SPIDR: variants seen among roughly 807,000 people sequenced by gnomAD.
SPIDR encodes scaffold protein involved in DNA repair, also known as DNA repair-scaffolding protein.
SPIDR carries 93 observed loss-of-function variants against 104.6 expected under a neutral mutation model. The ratio of observed to expected loss-of-function variants is 0.89; its 90% CI spans 0.75 to 1.06. The LOEUF is 1.06. SPIDR is among the 50% of genes least tolerant of loss of function. The pLI is 0.00. For missense variants in SPIDR, 1,154 were observed against 1,111.2 expected, an observed-to-expected ratio of 1.04 and a Z score of -0.55; for synonymous variants, 431 against 416.9, an observed-to-expected ratio of 1.03 and a Z score of -0.41.
intron 8 of SPIDR, among the ~76,000 whole-genome samples, chr8:47,539,785 A>G (rs1056604395): frequency 8.0e-5 from 12 of 150,392 alleles, no homozygotes; most frequent in African/African-American, 2.9e-4. Context: ...GGATGCTATC[A>G]GGTGTTGGTT....
At chr8:47,309,177 A>G (rs2043667940) in intron 5 of SPIDR, among the ~76,000 whole-genome samples, 1 of 152,222 alleles carries the variant, frequency 6.6e-6, no homozygotes, top group South Asian at 2.1e-4. Context: ...GATAAAATTT[A>G]GTGCTTGTAA....
At chr8:47,274,397 A>G (rs1394786680) in intron 1 of SPIDR, among the ~76,000 whole-genome samples, 1 of 152,256 alleles carries the variant, frequency 6.6e-6, no homozygotes, top group East Asian at 1.9e-4. Flanking sequence ...ATTACTAGTC[A>G]GATAAGATGT....
intron 5 of SPIDR, among the ~76,000 whole-genome samples, chr8:47,347,773 CT>C (rs1405250507): frequency 6.6e-6 from 1 of 151,894 alleles, no homozygotes; most frequent in South Asian, 2.1e-4. Context: ...GCAACCCCTG[CT>C]TTTTTTTGTT....
At chr8:47,415,150 G>A (rs1301265909) in intron 7 of SPIDR, among the ~76,000 whole-genome samples, 6 of 152,016 alleles carry the variant, frequency 3.9e-5, no homozygotes, top group African/African-American at 9.7e-5. Flanking sequence ...TGATCCTCCC[G>A]CCTCGGCCTC....
chr8:47,418,200 A>C (rs1384964249), intron 7 of SPIDR, among the ~76,000 whole-genome samples: 1 of 152,224 alleles, frequency 6.6e-6, no homozygotes, highest in East Asian at 1.9e-4. Context: ...CTGAATCCAT[A>C]AATTACCTTG....
chr8:47,508,717 C>A (rs1367720964), intron 8 of SPIDR, among the ~76,000 whole-genome samples: 1 of 135,940 alleles, frequency 7.4e-6, no homozygotes, highest in Non-Finnish European at 1.6e-5. Context: ...AACCCAGGTT[C>A]TGGCAGGTAA....
At chr8:47,630,850 A>G (rs1249581831) in intron 10 of SPIDR, among the ~76,000 whole-genome samples, 1 of 152,238 alleles carries the variant, frequency 6.6e-6, no homozygotes, top group African/African-American at 2.4e-5. Context: ...CACATGGGAT[A>G]TAGACCACAT....
chr8:47,532,338 G>A (rs888124313), intron 8 of SPIDR, among the ~76,000 whole-genome samples: 2 of 151,940 alleles, frequency 1.3e-5, no homozygotes, highest in Non-Finnish European at 2.9e-5. Flanking sequence ...CAAAGTGCTG[G>A]GATTATAGGC....
intron 10 of SPIDR, among the ~76,000 whole-genome samples, chr8:47,626,417 A>G (rs1448720816): frequency 1.3e-5 from 2 of 152,246 alleles, no homozygotes; most frequent in Non-Finnish European, 2.9e-5. Flanking sequence ...GAGCTTCTGC[A>G]CAGCAAAAGA....
intron 11 of SPIDR, among the ~76,000 whole-genome samples, chr8:47,690,735 C>T (rs2078522147): frequency 6.6e-6 from 1 of 152,142 alleles, no homozygotes; most frequent in Admixed American, 6.6e-5. Flanking sequence ...AGGACAATCA[C>T]TTGAACCCAG....
At chr8:47,363,351 G>A (rs1210902113) in intron 5 of SPIDR, among the ~76,000 whole-genome samples, 3 of 149,658 alleles carry the variant, frequency 2.0e-5, no homozygotes, top group Non-Finnish European at 3.0e-5. Flanking sequence ...GACTACAGGC[G>A]CCCGCCGCTA....
At chr8:47,591,490 A>G (rs536110263) in intron 8 of SPIDR, among the ~76,000 whole-genome samples, 21 of 151,944 alleles carry the variant, frequency 1.4e-4, no homozygotes, top group Non-Finnish European at 2.1e-4. Context: ...ACATTTTACT[A>G]AAACATAAGA....
intron 8 of SPIDR, among the ~76,000 whole-genome samples, chr8:47,548,968 G>A (rs911648008): frequency 2.0e-5 from 3 of 152,112 alleles, no homozygotes; most frequent in Admixed American, 2.0e-4. Context: ...CCCACCCTGT[G>A]TGTAAGTGTT....
chr8:47,260,984 G>A lies in SPIDR; in HGVS notation c.26G>A (p.Gly9Asp). Residue 9 changes from glycine (G) to aspartate (D), a missense_variant, in exon 1 of 20, where the codon GGC becomes GAC. Transcript: ENST00000297423. Reference sequence around the variant, plus strand: ...ATGCCCCGCGGCAGCCGCGCTCGGGGCTCTAAGGTAGGCTCTGGGGCGGGA... The same window carrying A: ...ATGCCCCGCGGCAGCCGCGCTCGGGACTCTAAGGTAGGCTCTGGGGCGGGA... MPRGSRAR[G>D]SKRKRSWNTE... 8.1e-7 allele frequency: 1 copy of A among 1,230,088 alleles called. No homozygotes were observed. The highest frequency in any genetic ancestry group is 1.0e-6 in the Non-Finnish European group (1 of 986,628). The allele number at this position is 1,230,088 out of a possible 1,614,324, so 76.2% of individuals were successfully genotyped here. A position where few individuals can be genotyped will look rare whatever the true frequency, so the allele number is the denominator to read the frequency against.
At chr8:47,418,373 C>T (rs1183029645) in intron 7 of SPIDR, among the ~76,000 whole-genome samples, 1 of 152,128 alleles carries the variant, frequency 6.6e-6, no homozygotes, top group East Asian at 1.9e-4. Context: ...GTATTTTATT[C>T]TCTTTGAAGC....
intron 8 of SPIDR, among the ~76,000 whole-genome samples, chr8:47,456,610 T>A (rs564949677): frequency 1.9e-4 from 29 of 152,292 alleles, no homozygotes; most frequent in African/African-American, 6.0e-4. Flanking sequence ...TTCTCTTTTT[T>A]AAATTAATTT....
intron 10 of SPIDR, among the ~76,000 whole-genome samples, chr8:47,658,544 C>CTGTTGTTGTTGTTGTTGT (rs10584346): frequency 8.1e-5 from 12 of 148,462 alleles, no homozygotes; most frequent in East Asian, 2.0e-4. Flanking sequence ...GGTTTTGTTA[C>CTGTTGTTGTTGTTGTTGT]TGTTGTTGTT....
intron 19 of SPIDR, among the ~76,000 whole-genome samples, chr8:47,733,418 T>A (rs2085598662): frequency 1.3e-5 from 2 of 152,054 alleles, no homozygotes; most frequent in South Asian, 4.2e-4. Flanking sequence ...TAAACTCCAT[T>A]TACAGGATAA....
chr8:47,533,462 A>G (rs2086362349), intron 8 of SPIDR, among the ~76,000 whole-genome samples: 1 of 152,224 alleles, frequency 6.6e-6, no homozygotes, highest in South Asian at 2.1e-4. Flanking sequence ...TGCACAGCAA[A>G]AGAAACTAGA....
Sources: gnomAD v4.1 joint callset for allele counts (sites outside exome capture counted in the v4.1 genomes callset) on GRCh38, gnomAD v4.1.1 for gene constraint, MANE v1.5 for transcripts, NCBI Gene and HGNC (gene_info 2026-07-23, HGNC 2026-07-21) for gene names.